Variants in SAMMSON observed in about 807,000 individuals in gnomAD.
SAMMSON encodes the protein survival associated mitochondrial melanoma specific oncogenic non-coding RNA.
chr3:70,312,839 GA>G (rs576319446), intron 7 of SAMMSON: 2 of 151,566 alleles, frequency 1.3e-5, no homozygotes, highest in Non-Finnish European at 2.9e-5. Context: ...TGCAAAATAG[GA>G]AAAAAATAAT....
At chr3:70,207,218 T>C (rs1046707848) in intron 4 of SAMMSON, among the ~76,000 whole-genome samples, 1 of 152,034 alleles carries the variant, frequency 6.6e-6, no homozygotes, top group African/African-American at 2.4e-5. Flanking sequence ...CAAGTCACTT[T>C]ATTACTTTGT....
At chr3:70,323,911 G>T (rs190746785) in intron 7 of SAMMSON, among the ~76,000 whole-genome samples, 91 of 152,130 alleles carry the variant, frequency 6.0e-4, no homozygotes, top group African/African-American at 2.1e-3. Flanking sequence ...ACTTCATAAG[G>T]GCTGGAGGCA....
At chr3:70,337,081 ATTCTTAT>A (rs1702668898) in intron 7 of SAMMSON, among the ~76,000 whole-genome samples, 7 of 94,534 alleles carry the variant, frequency 7.4e-5, no homozygotes, top group South Asian at 6.9e-4. Context: ...CTAACTTAAT[ATTCTTAT>A]TAATAATAAT....
At chr3:70,154,559 A>G (rs1412032271) in intron 4 of SAMMSON, among the ~76,000 whole-genome samples, 1 of 152,098 alleles carries the variant, frequency 6.6e-6, no homozygotes, top group Non-Finnish European at 1.5e-5. Flanking sequence ...TCCTCCAGTG[A>G]TTCCAGTTGT....
intron 9 of SAMMSON, among the ~76,000 whole-genome samples, chr3:70,369,677 T>TA (rs1216247409): frequency 4.6e-5 from 7 of 151,758 alleles, no homozygotes; most frequent in African/African-American, 4.8e-5. Flanking sequence ...TTGTAGATTT[T>TA]AAAAAATTGA....
At chr3:70,013,711 T>A (rs1396735247) in intron 3 of SAMMSON, 1 of 152,098 alleles carries the variant, frequency 6.6e-6, no homozygotes, top group East Asian at 1.9e-4. Flanking sequence ...AAAACACACA[T>A]GGATGTATTA....
intron 9 of SAMMSON, among the ~76,000 whole-genome samples, chr3:70,381,952 A>G (rs573848125): frequency 1.3e-5 from 2 of 152,304 alleles, no homozygotes; most frequent in East Asian, 1.9e-4. Flanking sequence ...ACCATATTAA[A>G]TGATGTCTAG....
intron 4 of SAMMSON, among the ~76,000 whole-genome samples, chr3:70,103,693 A>C (rs925264399): frequency 6.6e-6 from 1 of 152,142 alleles, no homozygotes; most frequent in Non-Finnish European, 1.5e-5. Context: ...AAAACTTCTT[A>C]TTGGCGAAAA....
chr3:70,300,128 T>C (rs1009989745), intron 7 of SAMMSON, among the ~76,000 whole-genome samples: 1 of 152,146 alleles, frequency 6.6e-6, no homozygotes, highest in African/African-American at 2.4e-5. Context: ...CTGAATCGCA[T>C]ATCTTCTTTG....
intron 4 of SAMMSON, among the ~76,000 whole-genome samples, chr3:70,134,396 CT>C (rs2067497608): frequency 6.7e-6 from 1 of 149,294 alleles, no homozygotes; most frequent in African/African-American, 2.5e-5. Context: ...TCAGTCTGAC[CT>C]ATGAAAAAGT....
intron 4 of SAMMSON, among the ~76,000 whole-genome samples, chr3:70,213,767 T>C (rs1701373396): frequency 1.3e-5 from 2 of 152,144 alleles, no homozygotes; most frequent in Admixed American, 1.3e-4. Flanking sequence ...ATATATAAAA[T>C]ACAGGAAATC....
At chr3:70,149,126 TC>T (rs1220406868) in intron 4 of SAMMSON, among the ~76,000 whole-genome samples, 3 of 152,096 alleles carry the variant, frequency 2.0e-5, no homozygotes, top group Non-Finnish European at 4.4e-5. Context: ...CAGCAGAAGG[TC>T]AAATGTGGTG....
chr3:70,063,850 G>A (rs2067199580), intron 3 of SAMMSON, among the ~76,000 whole-genome samples: 1 of 152,104 alleles, frequency 6.6e-6, no homozygotes, highest in South Asian at 2.1e-4. Context: ...TATTTGTAAA[G>A]GGCTTAGCAC....
At chr3:70,414,738 C>A (rs1701249099) in intron 2 of SAMMSON, among the ~76,000 whole-genome samples, 1 of 152,124 alleles carries the variant, frequency 6.6e-6, no homozygotes, top group Non-Finnish European at 1.5e-5. Flanking sequence ...TCATATAGTT[C>A]ATTTATAAAA....
At chr3:70,206,694 G>T (rs1367158706) in intron 4 of SAMMSON, 5 of 397,742 alleles carry the variant, frequency 1.3e-5, no homozygotes, top group East Asian at 3.6e-5. Context: ...GTTTTCCTTG[G>T]CTGGTCCATC....
At chr3:70,266,117 G>C (rs1004222253) in intron 6 of SAMMSON, among the ~76,000 whole-genome samples, 3 of 152,082 alleles carry the variant, frequency 2.0e-5, no homozygotes, top group Admixed American at 6.5e-5. Flanking sequence ...CACTATTTTG[G>C]CTATTATATC....
chr3:70,134,948 T>C (rs1449872240), intron 4 of SAMMSON, among the ~76,000 whole-genome samples: 1 of 152,166 alleles, frequency 6.6e-6, no homozygotes, highest in East Asian at 1.9e-4. Context: ...AAAGTACATT[T>C]TGCCATAAAA....
intron 1 of SAMMSON, among the ~76,000 whole-genome samples, chr3:70,004,299 T>C (rs569002704): frequency 6.6e-6 from 1 of 152,326 alleles, no homozygotes; most frequent in Non-Finnish European, 1.5e-5. Flanking sequence ...GTAAATGTTA[T>C]TTTATAAAAA....
intron 9 of SAMMSON, among the ~76,000 whole-genome samples, chr3:70,385,870 G>C (rs1413641971): frequency 1.3e-5 from 2 of 152,034 alleles, no homozygotes; most frequent in Non-Finnish European, 2.9e-5. Flanking sequence ...GTGGATGCTG[G>C]TAAAGATTAA....
Sources: gnomAD v4.1 joint callset for allele counts (sites outside exome capture counted in the v4.1 genomes callset) on GRCh38, gnomAD v4.1.1 for gene constraint, MANE v1.5 for transcripts, NCBI Gene and HGNC (gene_info 2026-07-23, HGNC 2026-07-21) for gene names.